Variants in KDM4C observed in about 807,000 individuals in gnomAD.
The protein encoded by KDM4C is lysine-specific demethylase 4C.
In KDM4C, 81 loss-of-function variants were observed where a neutral mutation model predicts 129.3. The observed-to-expected ratio is 0.63, with a 90% CI of 0.52 to 0.75. The LOEUF is 0.75. Among genes scored for constraint, KDM4C ranks in the 30% least tolerant of loss-of-function variants. The pLI, the probability that KDM4C is intolerant of heterozygous loss-of-function variation, is 0.00. For missense variants in KDM4C, 1,457 were observed against 1,304.0 expected, an observed-to-expected ratio of 1.12 and a Z score of -1.81; for synonymous variants, 573 against 456.1, an observed-to-expected ratio of 1.26 and a Z score of -3.26.
chr9:6,838,556 G>A (rs938945501), intron 4 of KDM4C, among the ~76,000 whole-genome samples: 4 of 151,886 alleles, frequency 2.6e-5, no homozygotes, highest in African/African-American at 4.8e-5. Flanking sequence ...TTTTTTCTCT[G>A]TCCTTTTTGT....
chr9:6,809,722 G>T (rs935141969), intron 3 of KDM4C, among the ~76,000 whole-genome samples: 4 of 152,176 alleles, frequency 2.6e-5, no homozygotes, highest in African/African-American at 9.7e-5. Context: ...AAATAGGCTG[G>T]TTGTGGTGGC....
At chr9:6,747,278 T>C (rs1229836760) in intron 1 of KDM4C, among the ~76,000 whole-genome samples, 3 of 151,952 alleles carry the variant, frequency 2.0e-5, no homozygotes, top group Non-Finnish European at 4.4e-5. Context: ...CCGGGCACTG[T>C]GGCTCCAGCC....
chr9:6,949,935 C>T (rs916975234), intron 8 of KDM4C, among the ~76,000 whole-genome samples: 3 of 152,024 alleles, frequency 2.0e-5, no homozygotes, highest in African/African-American at 7.3e-5. Context: ...TTTTGAGATC[C>T]CTGCATTAAT....
chr9:6,975,646 A>G (rs563875453), intron 8 of KDM4C, among the ~76,000 whole-genome samples: 18 of 152,342 alleles, frequency 1.2e-4, no homozygotes, highest in Non-Finnish European at 1.2e-4. Flanking sequence ...TCTCTATAAG[A>G]CAGACACTGT....
At chr9:6,801,997 A>G (rs1308533221) in intron 2 of KDM4C, among the ~76,000 whole-genome samples, 1 of 151,730 alleles carries the variant, frequency 6.6e-6, no homozygotes, top group Non-Finnish European at 1.5e-5. Flanking sequence ...CCCAGCCACT[A>G]GGGAGGCTGA....
chr9:7,076,709 TTTGTTGAC>T, intron 17 of KDM4C: 1 of 1,237,504 alleles, frequency 8.1e-7, no homozygotes, highest in Non-Finnish European at 1.0e-6. Context: ...TTAAATTTCA[TTTGTTGAC>T]TTCCTATGTG....
chr9:7,002,110 C>G (rs909740280), intron 12 of KDM4C, among the ~76,000 whole-genome samples: 1 of 152,140 alleles, frequency 6.6e-6, no homozygotes, highest in Non-Finnish European at 1.5e-5. Flanking sequence ...CCAGGCTGGT[C>G]TCGAACTCCT....
At position 7,054,935 on chromosome 9, in the gene KDM4C, T is replaced by C. The variant is rs114308243; in HGVS notation, c.2424+5735T>C. Among the ~76,000 whole-genome samples, 276 of 152,304 alleles carry C rather than the reference T, an allele frequency of 1.8e-3. 2 individuals carry two copies. Among genetic ancestry groups the C allele is most frequent in the African/African-American group, 6.2e-3 (259 of 41,566 alleles). On this transcript the variant is annotated intron_variant, in intron 17 of 21. Coordinates refer to ENST00000381309, the MANE Select transcript of KDM4C (RefSeq NM_015061.6). ...ATCACATCTTTCAATGCAGCGGATG[T>C]CTGTTCTGATTGCTGTCATTGCATA...
At chr9:6,984,933 G>A (rs1173093859) in intron 10 of KDM4C, among the ~76,000 whole-genome samples, 2 of 151,506 alleles carry the variant, frequency 1.3e-5, no homozygotes, top group Non-Finnish European at 2.9e-5. Flanking sequence ...CCCTTTGGTA[G>A]CATATTTTTC....
intron 3 of KDM4C, 68 bp from the exon 4 acceptor site, chr9:6,814,563 C>A: frequency 2.1e-6 from 2 of 947,284 alleles, no homozygotes; most frequent in East Asian, 2.6e-5. Context: ...TGATTTAAAT[C>A]AATTTGGTGG....
chr9:6,998,994 T>C (rs949267191), intron 12 of KDM4C, among the ~76,000 whole-genome samples: 1 of 152,212 alleles, frequency 6.6e-6, no homozygotes, highest in African/African-American at 2.4e-5. Context: ...TCACCCCGTG[T>C]CTTGTAGTCA....
chr9:7,104,653 G>C (rs936910086), intron 18 of KDM4C, among the ~76,000 whole-genome samples: 6 of 152,158 alleles, frequency 3.9e-5, no homozygotes, highest in Non-Finnish European at 8.8e-5. Context: ...TAGCTTTCCA[G>C]TTCACCATGA....
intron 2 of KDM4C, among the ~76,000 whole-genome samples, chr9:6,803,984 G>C (rs569195346): frequency 1.3e-5 from 2 of 151,972 alleles, no homozygotes; most frequent in Non-Finnish European, 2.9e-5. Context: ...CACCACGCCC[G>C]GATAATTTTT....
chr9:6,899,542 GGT>G (rs61209400), intron 8 of KDM4C, among the ~76,000 whole-genome samples: 24 of 150,130 alleles, frequency 1.6e-4, no homozygotes, highest in South Asian at 8.4e-4. Context: ...TTTCCATGGG[GGT>G]GTGTGTGTGT....
intron 4 of KDM4C, among the ~76,000 whole-genome samples, chr9:6,829,750 A>G (rs1349333884): frequency 6.6e-6 from 1 of 152,350 alleles, no homozygotes; most frequent in East Asian, 1.9e-4. Flanking sequence ...TCTGCTGGTC[A>G]GAAGGGCATT....
chr9:6,756,400 T>C (rs956176330), upstream of KDM4C, among the ~76,000 whole-genome samples: 2 of 152,188 alleles, frequency 1.3e-5, no homozygotes, highest in East Asian at 3.8e-4. Context: ...AAATTCCCAG[T>C]TGAGTATACG....
chr9:6,820,934 T>G (rs1334873391), intron 4 of KDM4C, among the ~76,000 whole-genome samples: 1 of 145,276 alleles, frequency 6.9e-6, no homozygotes, highest in African/African-American at 2.5e-5. Context: ...AGTGATCTCA[T>G]TGTTCAATTC....
intron 2 of KDM4C, among the ~76,000 whole-genome samples, chr9:6,795,606 A>G (rs1349050535): frequency 2.0e-5 from 3 of 152,072 alleles, no homozygotes; most frequent in East Asian, 1.9e-4. Flanking sequence ...TGCTGGGATT[A>G]TAGGCATGAG....
intron 4 of KDM4C, among the ~76,000 whole-genome samples, chr9:6,823,054 A>C (rs1833295284): frequency 6.6e-6 from 1 of 152,222 alleles, no homozygotes; most frequent in Non-Finnish European, 1.5e-5. Context: ...TGCTTCATTA[A>C]ATAGAGGTAT....
Sources: gnomAD v4.1 joint callset for allele counts (sites outside exome capture counted in the v4.1 genomes callset) on GRCh38, gnomAD v4.1.1 for gene constraint, MANE v1.5 for transcripts, NCBI Gene and HGNC (gene_info 2026-07-23, HGNC 2026-07-21) for gene names.